The following PCDH7 variants were observed in gnomAD, a reference collection of about 807,000 sequenced individuals.
PCDH7 encodes the protein protocadherin-7.
A neutral mutation model predicts 58.9 loss-of-function variants in PCDH7; 17 were observed. The observed-to-expected ratio is 0.29, with a 90% CI of 0.20 to 0.43. The LOEUF is 0.43. PCDH7 is among the 20% of genes least tolerant of loss of function. PCDH7 has a pLI of 1.00. For missense variants in PCDH7, 1,274 were observed against 1,441.0 expected (o/e 0.88, Z 1.88); for synonymous variants, 664 against 616.4 (o/e 1.08, Z -1.14).
chr4:31,094,409 C>T (rs1713673408), intron 3 of PCDH7, among the ~76,000 whole-genome samples: 1 of 151,922 alleles, frequency 6.6e-6, no homozygotes, highest in Admixed American at 6.6e-5. Flanking sequence ...CATCTTATAA[C>T]AAATCCGTGA....
intron 1 of PCDH7, among the ~76,000 whole-genome samples, chr4:30,781,619 C>T (rs190982695): frequency 2.1e-4 from 32 of 151,314 alleles, no homozygotes; most frequent in Admixed American, 1.1e-3. Context: ...TGATTGCAAC[C>T]TCCACCTCCT....
In PCDH7 at chr4:30,721,916, C is replaced by T; in HGVS notation, c.494C>T (p.Pro165Leu). ...CCGGTGGGCACACTTTACCTGCTGC[C>T]CACAGCCACCGACCGCGACTTCGGC... The change falls in exon 1 of 2, where the codon CCC becomes CTC. Residue 165 changes from proline (P) to leucine (L), a missense_variant. Pro to Leu is a moderately conservative substitution (Grantham distance 98, BLOSUM62 -3). Around this residue, in one of 3 missense-constraint regions of PCDH7, gnomAD observed 212 missense variants for 255.8 expected, o/e 0.83. Coordinates refer to ENST00000361762, the Ensembl canonical transcript of PCDH7. This position sits in a 1 kb window ranked among gnomAD's most constrained non-coding sequence, Gnocchi z 6.7. The T allele has an allele frequency of 6.3e-7, 1 of 1,577,618 alleles. No homozygotes were observed. Among genetic ancestry groups the T allele is most frequent in the Non-Finnish European group, 8.6e-7 (1 of 1,165,652 alleles).
At chr4:30,736,885 C>T (rs893163445), downstream of PCDH7, among the ~76,000 whole-genome samples, 2 of 152,168 alleles carry the variant, frequency 1.3e-5, no homozygotes, top group Non-Finnish European at 2.9e-5. Context: ...CTCAGAAAAT[C>T]AGTTCTAGGA....
At chr4:31,072,881 G>A (rs1758670138) in intron 3 of PCDH7, among the ~76,000 whole-genome samples, 1 of 152,086 alleles carries the variant, frequency 6.6e-6, no homozygotes, top group African/African-American at 2.4e-5. Context: ...CAGCTGTGTA[G>A]GGGTCATTCT....
At chr4:30,895,430 T>C (rs6817713) in intron 1 of PCDH7, among the ~76,000 whole-genome samples, 26,228 of 152,026 alleles carry the variant, frequency 0.17, 2,332 homozygotes, top group African/African-American at 0.21. Context: ...AGTGTGGCTA[T>C]AGGAACATAT....
Position 30,879,705 on chromosome 4 carries a change from A to T in PCDH7, c.71-40448A>T, listed in dbSNP as rs1445070306. On this transcript the variant is annotated intron_variant, in intron 1 of 3. Coordinates refer to the PCDH7 transcript ENST00000509759. ...CAGATTATATCATGCTTAATTTTACATATTCATAACCCTGCCACTTGCAGA... is the reference window on the plus strand; with the variant it reads ...CAGATTATATCATGCTTAATTTTACTTATTCATAACCCTGCCACTTGCAGA... 2.6e-5 allele frequency among the ~76,000 whole-genome samples: 4 copies of T among 152,168 alleles called. No homozygotes were observed. In the East Asian group the frequency reaches 7.7e-4, roughly 29 times the overall value.
intron 1 of PCDH7, among the ~76,000 whole-genome samples, chr4:30,750,454 C>A (rs932408237): frequency 6.6e-6 from 1 of 152,006 alleles, no homozygotes; most frequent in Non-Finnish European, 1.5e-5. Context: ...AGTCTAGATA[C>A]CTAGACTCAA....
intron 3 of PCDH7, among the ~76,000 whole-genome samples, chr4:30,969,785 AAAT>A (rs1294221060): frequency 2.0e-5 from 3 of 152,236 alleles, no homozygotes; most frequent in Non-Finnish European, 2.9e-5. Context: ...TTCTGGTTTT[AAAT>A]AATGATAGTA....
chr4:30,830,396 G>T (rs945744809), intron 1 of PCDH7, among the ~76,000 whole-genome samples: 8 of 146,672 alleles, frequency 5.5e-5, no homozygotes, highest in African/African-American at 2.1e-4. Context: ...TATAATTTTT[G>T]TACATCCTGC....
chr4:31,106,560 G>A (rs1446089388), intron 3 of PCDH7, among the ~76,000 whole-genome samples: 2 of 152,192 alleles, frequency 1.3e-5, no homozygotes, highest in African/African-American at 4.8e-5. Context: ...CTTCCTGATT[G>A]GGTTCTGGGC....
chr4:31,097,638 A>ATATATATAT (rs370034723), intron 3 of PCDH7, among the ~76,000 whole-genome samples: 4 of 79,202 alleles, frequency 5.1e-5, no homozygotes, highest in African/African-American at 1.2e-4. Context: ...ATATATATAT[A>ATATATATAT]AATCTTTTTT....
chr4:30,747,042 T>A (rs2109254097), intron 1 of PCDH7, among the ~76,000 whole-genome samples: 1 of 152,348 alleles, frequency 6.6e-6, no homozygotes, highest in South Asian at 2.1e-4. Flanking sequence ...TGAAGTCTCT[T>A]AATACTTTAA....
intron 3 of PCDH7, among the ~76,000 whole-genome samples, chr4:30,966,869 G>A (rs1749042381): frequency 6.6e-6 from 1 of 152,110 alleles, no homozygotes; most frequent in African/African-American, 2.4e-5. Flanking sequence ...ACATAATTTA[G>A]TAAGAAGAGC....
At chr4:30,894,512 TATATACAC>T (rs1373967988) in intron 1 of PCDH7, among the ~76,000 whole-genome samples, 84 of 50,330 alleles carry the variant, frequency 1.7e-3, no homozygotes, top group African/African-American at 4.0e-3. Context: ...TATATATATA[TATATACAC>T]ACACACACAC....
downstream of PCDH7, among the ~76,000 whole-genome samples, chr4:30,733,373 A>G (rs1715790253): frequency 8.4e-6 from 1 of 118,628 alleles, no homozygotes; most frequent in Admixed American, 9.2e-5. Flanking sequence ...AAGAATAATA[A>G]GATAGAGTCT....
intron 3 of PCDH7, among the ~76,000 whole-genome samples, chr4:31,116,805 A>G (rs1717043777): frequency 6.6e-6 from 1 of 152,116 alleles, no homozygotes; most frequent in Non-Finnish European, 1.5e-5. Flanking sequence ...CTAACATTCA[A>G]ACTGAATATT....
chr4:30,943,038 A>T (rs1416738560), intron 2 of PCDH7, among the ~76,000 whole-genome samples: 1 of 152,068 alleles, frequency 6.6e-6, no homozygotes, highest in Admixed American at 6.6e-5. Flanking sequence ...GTGGAAATCA[A>T]GATTTGCTAT....
chr4:31,001,476 T>A (rs1488158664), intron 3 of PCDH7, among the ~76,000 whole-genome samples: 1 of 152,026 alleles, frequency 6.6e-6, no homozygotes, highest in Non-Finnish European at 1.5e-5. Context: ...AGAGTGAAAA[T>A]TTTTTTAAAG....
intron 3 of PCDH7, among the ~76,000 whole-genome samples, chr4:31,041,480 A>G (rs1755852827): frequency 6.6e-6 from 1 of 152,114 alleles, no homozygotes; most frequent in Admixed American, 6.6e-5. Flanking sequence ...TCAACTTCAC[A>G]AGTGAAAATC....
Sources: gnomAD v4.1 joint callset for allele counts (sites outside exome capture counted in the v4.1 genomes callset) on GRCh38, gnomAD v4.1.1 for gene constraint, gnomAD v4.1.1 regional missense constraint, Gnocchi (gnomAD v3.1) non-coding constraint, MANE v1.5 for transcripts, NCBI Gene and HGNC (gene_info 2026-07-23, HGNC 2026-07-21) for gene names.